GPR35: variants seen among roughly 807,000 people sequenced by gnomAD.
The protein encoded by GPR35 is KYNA receptor.
For synonymous variants in GPR35, 207 were observed against 198.4 expected, an observed-to-expected ratio of 1.04 and a Z score of -0.36; for missense variants, 372 against 422.5, an observed-to-expected ratio of 0.88 and a Z score of 1.05.
At chr2:240,611,008 C>T (rs2043177740) in intron 2 of GPR35, among the ~76,000 whole-genome samples, 1 of 152,154 alleles carries the variant, frequency 6.6e-6, no homozygotes, top group African/African-American at 2.4e-5. Flanking sequence ...ACTCTGCTCA[C>T]TACAACCTCC....
At chr2:240,623,635 C>G (rs1190304238), upstream of GPR35, among the ~76,000 whole-genome samples, 1 of 152,092 alleles carries the variant, frequency 6.6e-6, no homozygotes, top group Non-Finnish European at 1.5e-5. Flanking sequence ...CACGAGGGCC[C>G]AGGCTCCAGG....
At chr2:240,620,120 G>A (rs1277431354) in intron 5 of GPR35, among the ~76,000 whole-genome samples, 2 of 152,154 alleles carry the variant, frequency 1.3e-5, no homozygotes, top group African/African-American at 4.8e-5. Flanking sequence ...CCTGGCTGGG[G>A]CAGCACCCAA....
At chr2:240,612,406 G>A (rs1459713043) in intron 2 of GPR35, among the ~76,000 whole-genome samples, 3 of 135,088 alleles carry the variant, frequency 2.2e-5, no homozygotes, top group Admixed American at 7.6e-5. Context: ...CAGCCTGGGC[G>A]ACAGAGCGAG....
At chr2:240,619,385 G>T (rs531577728) in intron 5 of GPR35, among the ~76,000 whole-genome samples, 7 of 152,324 alleles carry the variant, frequency 4.6e-5, no homozygotes, top group African/African-American at 1.7e-4. Context: ...CTATCAGCAG[G>T]CGTCTTGCCT....
At position 240,630,648 on chromosome 2, in the gene GPR35, C is replaced by T. The variant is rs2043434241; in HGVS notation, c.696C>T (p.Pro232=). 5 of 1,613,152 alleles carry T rather than the reference C, an allele frequency of 3.1e-6. No individual in the cohort carries two copies. The highest frequency in any genetic ancestry group is 2.5e-6 in the Non-Finnish European group (3 of 1,180,026). Residue 232 remains proline (P), a synonymous_variant, in exon 2 of 2, where the codon CCC becomes CCT. Transcript: ENST00000407714. ...TGGTGTTCGTGGTCTGCTTCCTGCC[C>T]CTGCACGTGGGGCTGACAGTGCGCC... The part of the protein sequence containing the change: ...NLLVFVVCFL[P]LHVGLTVRLA...
At chr2:240,615,790 C>T (rs1480774937) in intron 2 of GPR35, among the ~76,000 whole-genome samples, 1 of 152,208 alleles carries the variant, frequency 6.6e-6, no homozygotes, top group Non-Finnish European at 1.5e-5. Flanking sequence ...ATTTTCTCTA[C>T]TTCTACAATT....
intron 2 of GPR35, among the ~76,000 whole-genome samples, chr2:240,615,079 G>A (rs1425018508): frequency 6.6e-6 from 1 of 151,840 alleles, no homozygotes; most frequent in Non-Finnish European, 1.5e-5. Context: ...ATGTGTGTAT[G>A]TTTACATGTG....
At chr2:240,609,120 G>A (rs1409178885) in intron 2 of GPR35, among the ~76,000 whole-genome samples, 3 of 151,596 alleles carry the variant, frequency 2.0e-5, no homozygotes, top group Admixed American at 6.6e-5. Context: ...TTTTTTCTTT[G>A]ATCAATCTAG....
upstream of GPR35, chr2:240,625,395 C>A: frequency 1.0e-6 from 1 of 985,522 alleles, no homozygotes. Flanking sequence ...CCCTGACCTG[C>A]TGCCGTCAGT....
At chr2:240,609,743 TG>T (rs2043165391) in intron 2 of GPR35, among the ~76,000 whole-genome samples, 1 of 152,216 alleles carries the variant, frequency 6.6e-6, no homozygotes, top group Non-Finnish European at 1.5e-5. Context: ...TGATTGGTGT[TG>T]CTCAGGGCTA....
At chr2:240,621,376 T>A (rs565335822), upstream of GPR35, among the ~76,000 whole-genome samples, 18 of 152,250 alleles carry the variant, frequency 1.2e-4, no homozygotes, top group South Asian at 3.7e-3. Context: ...TGTCTCAGCT[T>A]CCCGAGTAGC....
At chr2:240,623,681 G>A (rs1230766092), upstream of GPR35, among the ~76,000 whole-genome samples, 2 of 152,130 alleles carry the variant, frequency 1.3e-5, no homozygotes, top group East Asian at 1.9e-4. Context: ...TGCGGAGACA[G>A]CCAAGGGGCA....
chr2:240,625,887 GGGGGTCTCAGAGTGGGGTGAGGCTCTGAT>G (rs2043368197), intron 1 of GPR35, among the ~76,000 whole-genome samples: 1 of 141,528 alleles, frequency 7.1e-6, no homozygotes, highest in Non-Finnish European at 1.6e-5. Flanking sequence ...AGGCTGTGAT[GGGGGTCTCAGAGTGGGGTGAGGCTCTGAT>G]GGGGTCTCAG....
chr2:240,630,452 G>A lies in GPR35; in HGVS notation c.500G>A (p.Arg167Gln), dbSNP rs773979749. The stretch of plus-strand genomic sequence containing the variant: ...GGCGGCTTCTGCTTCAGGAGCACCC[G>A]GCACAATTTCAACTCCATGGCGTTC... ...QEGGFCFRST[R>Q]HNFNSMAFPL... Residue 167 changes from arginine (R) to glutamine (Q), a missense_variant, in exon 2 of 2, where the codon CGG (arginine) becomes CAG (glutamine). Physicochemically the swap from Arg to Gln is conservative, Grantham distance 43. Transcript: ENST00000407714. The A allele has an allele frequency of 2.1e-5, 34 of 1,612,750 alleles. No individual in the cohort carries two copies. Among genetic ancestry groups the A allele is most frequent in the Middle Eastern group, 3.3e-4 (2 of 6,084 alleles).
In GPR35 at chr2:240,630,432, C is replaced by T. The variant is rs12468377; in HGVS notation, c.480C>T (p.Gly160=). The T allele has an allele frequency of 0.071, 115,139 of 1,612,694 alleles. 4,798 individuals carry two copies. The highest frequency in any genetic ancestry group is 0.099 in the South Asian group (9,050 of 91,080). Residue 160 remains glycine (G), a synonymous_variant, in exon 2 of 2, where the codon GGC becomes GGT. Transcript: ENST00000407714. ...GGCTCCTGGGGATTCAGGAGGGCGGCTTCTGCTTCAGGAGCACCCGGCACA... is the reference window on the plus strand; with the variant it reads ...GGCTCCTGGGGATTCAGGAGGGCGGTTTCTGCTTCAGGAGCACCCGGCACA... ...ARWLLGIQEG[G]FCFRSTRHNF...
rs749018043 is a variant in GPR35, at chr2:240,630,449, C to T, written c.497C>T (p.Thr166Ile). The change falls in exon 2 of 2, where the codon ACC becomes ATC. Residue 166 changes from threonine (T) to isoleucine (I), a missense_variant. Transcript: ENST00000407714. Reference sequence around the variant, plus strand: ...GAGGGCGGCTTCTGCTTCAGGAGCACCCGGCACAATTTCAACTCCATGGCG... The same window carrying T: ...GAGGGCGGCTTCTGCTTCAGGAGCATCCGGCACAATTTCAACTCCATGGCG... ...IQEGGFCFRS[T>I]RHNFNSMAFP... 21 of 1,612,782 alleles carry T rather than the reference C, an allele frequency of 1.3e-5. No homozygotes were observed. Among genetic ancestry groups the T allele is most frequent in the Non-Finnish European group, 1.4e-5 (17 of 1,179,974 alleles).
At chr2:240,622,441 A>G (rs772577468), upstream of GPR35, among the ~76,000 whole-genome samples, 5 of 152,170 alleles carry the variant, frequency 3.3e-5, no homozygotes, top group East Asian at 1.9e-4. Context: ...GGGCTGTCCA[A>G]TCTTTTGGCT....
At chr2:240,627,357 C>T (rs2043389758) in intron 1 of GPR35, 1 of 152,246 alleles carries the variant, frequency 6.6e-6, no homozygotes. Flanking sequence ...CAGGGCACTT[C>T]TTCGAAGCCT....
chr2:240,630,221 AG>A lies in GPR35; in HGVS notation c.270del (p.Gln90HisfsTer8). 3.8e-6 allele frequency: 6 copies of A among 1,569,364 alleles called. No individual in the cohort carries two copies. The highest frequency in any genetic ancestry group is 5.2e-6 in the Non-Finnish European group (6 of 1,159,646). On this transcript the variant is annotated frameshift_variant, in exon 2 of 2. Transcript: ENST00000407714. LOFTEE classifies it low-confidence loss of function (END_TRUNC). The stretch of plus-strand genomic sequence containing the variant: ...GACACCTCAGACACGCCGCTGTGCC[AG>A]CTCTCCCAGGGCATCTACCTGACCA... ...LRDTSDTPLC[Q>X]LSQGIYLTNR...
Sources: gnomAD v4.1 joint callset for allele counts (sites outside exome capture counted in the v4.1 genomes callset) on GRCh38, gnomAD v4.1.1 for gene constraint, MANE v1.5 for transcripts, NCBI Gene and HGNC (gene_info 2026-07-23, HGNC 2026-07-21) for gene names.